RAB36: variants seen among roughly 807,000 people sequenced by gnomAD.
RAB36 encodes RAB36, member RAS oncogene family, also known as ras-related protein Rab-36.
RAB36 carries 33 observed loss-of-function variants against 39.3 expected under a neutral mutation model. The ratio of observed to expected loss-of-function variants is 0.84; its 90% CI spans 0.64 to 1.12. The LOEUF (loss-of-function observed/expected upper bound fraction) is 1.12, where lower values mean the gene tolerates loss of function less well. RAB36 is among the 50% of genes most tolerant of loss of function. The pLI is 0.00. For synonymous variants in RAB36, 133 were observed against 140.2 expected, an observed-to-expected ratio of 0.95 and a Z score of 0.36; for missense variants, 308 against 355.3, an observed-to-expected ratio of 0.87 and a Z score of 1.07.
chr22:23,155,895 T>C, intron 5 of RAB36, 73 bp from the exon 6 acceptor site: 1 of 1,404,464 alleles, frequency 7.1e-7, no homozygotes, highest in Non-Finnish European at 9.7e-7. Context: ...CATGGTCCCG[T>C]AGCCTGTTGG....
rs1418219408 is a variant in RAB36 at position 23,155,984 on chromosome 22, C to A, written c.346C>A (p.Gln116Lys). ...ACCTCACAGCTGGGACACAGCTGGGCAGGAGAAGTTCAAGTGCATCGCATC... is the reference window on the plus strand; with the variant it reads ...ACCTCACAGCTGGGACACAGCTGGGAAGGAGAAGTTCAAGTGCATCGCATC... ...YSLQIWDTAG[Q>K]EKFKCIASAY... is the part of the protein sequence containing the mutation. Residue 116 changes from glutamine (Q) to lysine (K), a missense_variant, in exon 6 of 11, where the codon CAG (glutamine) becomes AAG (lysine). Transcript: ENST00000263116. 2 of 1,612,466 alleles carry A rather than the reference C, an allele frequency of 1.2e-6. No homozygotes were observed. The highest frequency in any genetic ancestry group is 1.7e-6 in the Non-Finnish European group (2 of 1,179,256).
At position 23,158,910 on chromosome 22, in the gene RAB36, G is replaced by A. The variant is rs746091389; in HGVS notation, c.459G>A (p.Glu153=). ...QTLEHTRQWL[E]DALRENEAGS... Reference sequence around the variant, plus strand: ...CCTTACACTCCAGGCAGTGGTTGGAGGATGCTCTGAGGGAGAACGAGGCAG... The same window carrying A: ...CCTTACACTCCAGGCAGTGGTTGGAAGATGCTCTGAGGGAGAACGAGGCAG... The change falls in exon 8 of 11, where the codon GAG becomes GAA. Residue 153 remains glutamate (E), a synonymous_variant. Transcript: ENST00000263116. The A allele has an allele frequency of 6.2e-7, 1 of 1,614,128 alleles. No homozygotes were observed. Among genetic ancestry groups the A allele is most frequent in the Non-Finnish European group, 8.5e-7 (1 of 1,179,948 alleles).
chr22:23,167,909 A>G (rs1202252196), downstream of RAB36, among the ~76,000 whole-genome samples: 1 of 151,982 alleles, frequency 6.6e-6, no homozygotes, highest in Admixed American at 6.6e-5. Flanking sequence ...CTGGAGTGCA[A>G]TGGCGTGATC....
intron 1 of RAB36, chr22:23,145,885 G>C (rs750184773): frequency 1.3e-6 from 1 of 753,538 alleles, no homozygotes; most frequent in African/African-American, 1.9e-5. Context: ...GTGAAGTGAG[G>C]GTTTTCAGGG....
chr22:23,160,576 GA>G (rs1256133776), intron 9 of RAB36, among the ~76,000 whole-genome samples: 1 of 152,210 alleles, frequency 6.6e-6, no homozygotes, highest in Admixed American at 6.5e-5. Context: ...CATCTGATTG[GA>G]AGAGTAGATG....
chr22:23,157,931 G>A (rs1336551680), intron 6 of RAB36, 61 bp from the exon 7 acceptor site: 3 of 1,609,314 alleles, frequency 1.9e-6, no homozygotes, highest in Non-Finnish European at 2.5e-6. Flanking sequence ...CACCTCCTGG[G>A]GAGCCCCCTT....
chr22:23,157,869 G>A (rs1334369122), intron 6 of RAB36, 123 bp from the exon 7 acceptor site: 16 of 1,562,772 alleles, frequency 1.0e-5, no homozygotes, highest in East Asian at 6.7e-5. Context: ...AGGAGGTTCC[G>A]GTGCTGAGTG....
chr22:23,152,579 T>C (rs1209610834), intron 4 of RAB36, 53 bp downstream of exon 4: 27 of 1,549,322 alleles, frequency 1.7e-5, no homozygotes, highest in Non-Finnish European at 1.2e-5. Context: ...CAGGTTGTCA[T>C]ACCTTTGCCT....
At chr22:23,167,843 G>A (rs1004284334), downstream of RAB36, among the ~76,000 whole-genome samples, 1 of 151,750 alleles carries the variant, frequency 6.6e-6, no homozygotes, top group Non-Finnish European at 1.5e-5. Context: ...ACTGCACCTG[G>A]CTTCATTGAC....
At chr22:23,159,066 G>C (rs940517982) in intron 8 of RAB36, 87 bp downstream of exon 8, 1 of 1,588,258 alleles carries the variant, frequency 6.3e-7, no homozygotes, top group African/African-American at 1.3e-5. Flanking sequence ...TGGGGAGGGA[G>C]GGAGGCAGCA....
rs1555954147 is a variant in RAB36 at position 23,163,611 on chromosome 22, C to CCCCA, written c.*2050_*2051insACCC. On this transcript the variant is annotated 3_prime_UTR_variant, in exon 11 of 11. Coordinates refer to ENST00000263116, the MANE Select transcript of RAB36 (RefSeq NM_004914.5). ...ATATAAAATACAAGGTGAAAGCCCCCCCCCCGCCACATTAGCTGCGCCCCT... is the reference window on the plus strand; with the variant it reads ...ATATAAAATACAAGGTGAAAGCCCCCCCCACCCCCGCCACATTAGCTGCGCCCCT... 1.4e-5 allele frequency: 2 copies of CCCCA among 146,832 alleles called. No homozygotes were observed. Among genetic ancestry groups the CCCCA allele is most frequent in the Non-Finnish European group, 3.1e-5 (2 of 65,572 alleles). The allele number at this position is 146,832 out of a possible 1,614,324, so 9.1% of individuals were successfully genotyped here.
chr22:23,161,411 C>A, intron 10 of RAB36, 89 bp from the exon 11 acceptor site: 1 of 1,197,558 alleles, frequency 8.4e-7, no homozygotes, highest in Non-Finnish European at 1.2e-6. Flanking sequence ...CTTCAGCTCA[C>A]AGCTCTGACT....
downstream of RAB36, among the ~76,000 whole-genome samples, chr22:23,168,646 C>T (rs16998261): frequency 0.053 from 8,018 of 152,284 alleles, 692 homozygotes; most frequent in African/African-American, 0.18. Flanking sequence ...GATGAGCAGC[C>T]AGGACGTATG....
chr22:23,159,545 C>T (rs2071658678), intron 9 of RAB36, among the ~76,000 whole-genome samples: 1 of 152,216 alleles, frequency 6.6e-6, no homozygotes, highest in African/African-American at 2.4e-5. Flanking sequence ...ACCGGAGAAC[C>T]CCATAACTAC....
chr22:23,158,780 C>T, intron 7 of RAB36, 118 bp from the exon 8 acceptor site: 6 of 873,902 alleles, frequency 6.9e-6, no homozygotes, highest in Non-Finnish European at 1.1e-5. Flanking sequence ...GCCAGGAAGC[C>T]CTCCTTGTCC....
chr22:23,151,447 C>A (rs1373814999), intron 3 of RAB36, among the ~76,000 whole-genome samples: 3 of 152,204 alleles, frequency 2.0e-5, no homozygotes, highest in Non-Finnish European at 4.4e-5. Context: ...GCAAGGTGAC[C>A]TGCAGCCCAG....
At chr22:23,148,025 G>A (rs923035259) in intron 2 of RAB36, among the ~76,000 whole-genome samples, 4 of 152,026 alleles carry the variant, frequency 2.6e-5, no homozygotes, top group African/African-American at 9.7e-5. Flanking sequence ...CTGTGGCTTC[G>A]GACAGGTGCA....
In RAB36 at chr22:23,161,918, A is replaced by G. The variant is rs556216245; in HGVS notation, c.*354A>G. ...GCAAACTCCTGCGTCGGTCTATACT[A>G]CTCGGCCATGGCCCACATCAGCAGT... On this transcript the variant is annotated 3_prime_UTR_variant, in exon 11 of 11. Coordinates refer to ENST00000263116, the MANE Select transcript of RAB36 (RefSeq NM_004914.5). The G allele has an allele frequency of 9.0e-4, 226 of 249,958 alleles. 1 individual carries two copies. The highest frequency in any genetic ancestry group is 1.6e-3 in the Non-Finnish European group (205 of 127,782). 15.5% of individuals were successfully genotyped at this position (249,958 alleles called of 1,614,324 possible).
rs960715640 is a variant in RAB36 at position 23,161,740 on chromosome 22, C to T, written c.*176C>T. ...CAGCTCCAGGGCACAGTCACTTGTC[C>T]GTTGCAGGTTGGGCACTAGAAAAGG... On this transcript the variant is annotated 3_prime_UTR_variant, in exon 11 of 11. Coordinates refer to ENST00000263116, the MANE Select transcript of RAB36 (RefSeq NM_004914.5). 4.2e-5 allele frequency: 25 copies of T among 601,300 alleles called. No homozygotes were observed. Among genetic ancestry groups the T allele is most frequent in the African/African-American group, 2.8e-4 (15 of 53,380 alleles). 37.2% of individuals were successfully genotyped at this position (601,300 alleles called of 1,614,324 possible).
Sources: gnomAD v4.1 joint callset for allele counts (sites outside exome capture counted in the v4.1 genomes callset) on GRCh38, gnomAD v4.1.1 for gene constraint, MANE v1.5 for transcripts, NCBI Gene and HGNC (gene_info 2026-07-23, HGNC 2026-07-21) for gene names.